Variants in APBB2 observed in about 807,000 individuals in gnomAD.
APBB2 encodes Fe65-like 1.
APBB2 carries 38 observed loss-of-function variants against 82.5 expected under a neutral mutation model. The observed-to-expected ratio is 0.46, with a 90% confidence interval of 0.36 to 0.60. The LOEUF is 0.60. Among genes scored for constraint, APBB2 ranks in the 20% least tolerant of loss-of-function variants. The pLI is 0.00. For synonymous variants in APBB2, 341 were observed against 368.2 expected (o/e 0.93, Z 0.85); for missense variants, 772 against 972.3 (o/e 0.79, Z 2.74).
intron 2 of APBB2, among the ~76,000 whole-genome samples, chr4:41,138,960 A>T (rs1758355079): frequency 6.6e-6 from 1 of 152,190 alleles, no homozygotes. Flanking sequence ...TTTGAAAATA[A>T]TTACTTTCTT....
chr4:40,881,269 C>A (rs142954705), intron 12 of APBB2: 1 of 985,008 alleles, frequency 1.0e-6, no homozygotes, highest in East Asian at 1.1e-4. Context: ...CTCCCTGAGG[C>A]AAGACAGCAC....
chr4:41,159,969 GA>G (rs758519908), intron 1 of APBB2, among the ~76,000 whole-genome samples: 1,146 of 98,558 alleles, frequency 0.012, 98 homozygotes, highest in African/African-American at 0.037. Flanking sequence ...AGGAGAAGAA[GA>G]AGAAGAAGAA....
intron 6 of APBB2, among the ~76,000 whole-genome samples, chr4:40,980,239 G>C (rs899039831): frequency 6.6e-5 from 10 of 152,166 alleles, no homozygotes; most frequent in Admixed American, 6.5e-4. Flanking sequence ...GCCCAGACTG[G>C]TCTCGAACTC....
intron 13 of APBB2, among the ~76,000 whole-genome samples, chr4:40,828,294 C>G (rs1750644944): frequency 6.6e-6 from 1 of 152,182 alleles, no homozygotes; most frequent in Admixed American, 6.5e-5. Flanking sequence ...CTGTTCTCCA[C>G]CAGTTACATA....
chr4:40,914,603 T>G (rs957072276), intron 10 of APBB2, among the ~76,000 whole-genome samples: 1 of 151,964 alleles, frequency 6.6e-6, no homozygotes, highest in East Asian at 1.9e-4. Context: ...GATAAACAAA[T>G]AAATGGAAAC....
intron 16 of APBB2, 127 bp from the exon 17 acceptor site, chr4:40,822,177 CG>C: frequency 8.9e-7 from 1 of 1,126,624 alleles, no homozygotes; most frequent in Non-Finnish European, 1.3e-6. Flanking sequence ...GTGTTTTTCT[CG>C]AAAGGCGGAA....
intron 5 of APBB2, among the ~76,000 whole-genome samples, chr4:41,016,176 G>T (rs1287557021): frequency 1.3e-5 from 2 of 152,144 alleles, no homozygotes; most frequent in Non-Finnish European, 2.9e-5. Flanking sequence ...TTCCTAAAAG[G>T]CATGGCAAAA....
chr4:41,135,305 C>T (rs1040578271), intron 2 of APBB2, among the ~76,000 whole-genome samples: 2 of 152,064 alleles, frequency 1.3e-5, no homozygotes, highest in Admixed American at 6.5e-5. Context: ...TCCTTAAAGA[C>T]AGTACACTAA....
At chr4:41,012,428 A>G (rs552575796) in intron 6 of APBB2, among the ~76,000 whole-genome samples, 1 of 152,322 alleles carries the variant, frequency 6.6e-6, no homozygotes, top group South Asian at 2.1e-4. Context: ...TACTGAACAT[A>G]ATTATGATTC....
At chr4:41,209,802 C>T (rs1471083707) in intron 1 of APBB2, among the ~76,000 whole-genome samples, 1 of 152,058 alleles carries the variant, frequency 6.6e-6, no homozygotes, top group Non-Finnish European at 1.5e-5. Context: ...CAAATGAAAA[C>T]TATAAGGGAA....
At chr4:41,058,265 G>A (rs1728525004) in intron 4 of APBB2, among the ~76,000 whole-genome samples, 1 of 150,972 alleles carries the variant, frequency 6.6e-6, no homozygotes, top group African/African-American at 2.4e-5. Context: ...CTCTACCCTG[G>A]AAGTAGCGAA....
Position 41,174,060 on chromosome 4 carries a change from AATC to A in APBB2, c.-416-30921_-416-30919del, listed in dbSNP as rs1769074566. On this transcript the variant is annotated intron_variant, in intron 1 of 17. Coordinates refer to ENST00000508593, the MANE Select transcript of APBB2 (RefSeq NM_004307.2). The stretch of plus-strand genomic sequence containing the variant: ...CCCTGTTCACACGATTCTCGTTTAA[AATC>A]ATCTTAGTTAACAGGTAACTGTGGA... Among the ~76,000 whole-genome samples the A allele has an allele frequency of 1.3e-5, 2 of 152,220 alleles. 1 individual carries two copies. Among genetic ancestry groups the A allele is most frequent in the South Asian group, 4.1e-4 (2 of 4,828 alleles).
chr4:41,031,374 C>G (rs909435820), intron 5 of APBB2, among the ~76,000 whole-genome samples: 3 of 152,148 alleles, frequency 2.0e-5, no homozygotes, highest in African/African-American at 7.2e-5. Context: ...TCTCATCAGT[C>G]GCCATTTGAA....
At chr4:41,137,421 G>A (rs1212406178) in intron 2 of APBB2, among the ~76,000 whole-genome samples, 1 of 152,080 alleles carries the variant, frequency 6.6e-6, no homozygotes, top group Non-Finnish European at 1.5e-5. Flanking sequence ...TCTGGAAAAT[G>A]CACTTTGATT....
chr4:41,171,852 T>C (rs1300176063), intron 1 of APBB2, among the ~76,000 whole-genome samples: 1 of 151,642 alleles, frequency 6.6e-6, no homozygotes, highest in Non-Finnish European at 1.5e-5. Flanking sequence ...TCCCACCACG[T>C]TGGGAGGCCA....
At chr4:41,213,244 G>A (rs540158053) in intron 1 of APBB2, among the ~76,000 whole-genome samples, 1 of 151,996 alleles carries the variant, frequency 6.6e-6, no homozygotes, top group East Asian at 1.9e-4. Flanking sequence ...AAACACCACC[G>A]ATGGCATCAT....
intron 12 of APBB2, among the ~76,000 whole-genome samples, chr4:40,857,486 C>T (rs1761653629): frequency 6.6e-6 from 1 of 151,700 alleles, no homozygotes; most frequent in Admixed American, 6.5e-5. Flanking sequence ...TTCTTTTCTT[C>T]TTGAGACAGA....
chr4:40,990,860 C>T (rs1413309958), intron 6 of APBB2, among the ~76,000 whole-genome samples: 2 of 151,970 alleles, frequency 1.3e-5, no homozygotes, highest in East Asian at 1.9e-4. Context: ...TAGGTTACAG[C>T]TCATGAAGGT....
At position 41,142,590 on chromosome 4, in the gene APBB2, G is replaced by A. The variant is rs954647173; in HGVS notation, c.-261+397C>T. On this transcript the variant is annotated intron_variant, in intron 2 of 17. Coordinates refer to ENST00000508593, the MANE Select transcript of APBB2 (RefSeq NM_004307.2). ...TCAAAGTTCGAAAACACAAATGAGT[G>A]CAAGTCTTTGAAACTACAAATCCAA... 5.9e-5 allele frequency among the ~76,000 whole-genome samples: 9 copies of A among 152,200 alleles called. No homozygotes were observed. In the South Asian group the frequency reaches 1.0e-3, roughly 18 times the overall value.
Sources: allele counts gnomAD v4.1 joint callset (sites outside exome capture counted in the v4.1 genomes callset), GRCh38; gene constraint gnomAD v4.1.1; transcripts MANE v1.5; gene names NCBI Gene and HGNC (gene_info 2026-07-23, HGNC 2026-07-21).